Variants in SLC7A10 observed in about 807,000 individuals in gnomAD.
SLC7A10 encodes the protein solute carrier family 7 member 10.
Under a neutral mutation model 52.7 loss-of-function variants are expected in SLC7A10, and 30 were observed. The ratio of observed to expected loss-of-function variants is 0.57; its 90% CI spans 0.43 to 0.77. The LOEUF (loss-of-function observed/expected upper bound fraction) is 0.77, where lower values mean the gene tolerates loss of function less well. Ranked by LOEUF, SLC7A10 falls within the 30% of genes least tolerant of loss-of-function variation. SLC7A10 has a pLI of 0.00. For missense variants in SLC7A10, 581 were observed against 698.5 expected, an observed-to-expected ratio of 0.83 and a Z score of 1.90; for synonymous variants, 318 against 314.9, an observed-to-expected ratio of 1.01 and a Z score of -0.10.
chr19:33,214,733 C>A (rs1277869093), intron 2 of SLC7A10, among the ~76,000 whole-genome samples: 1 of 152,202 alleles, frequency 6.6e-6, no homozygotes, highest in African/African-American at 2.4e-5. Context: ...TCCTGGGAGT[C>A]CTCCCTAGAT....
At chr19:33,215,303 T>C (rs11880750) in intron 2 of SLC7A10, among the ~76,000 whole-genome samples, 10,125 of 147,380 alleles carry the variant, frequency 0.069, 496 homozygotes, top group African/African-American at 0.14. Context: ...TTATGCAGGG[T>C]ATATGGTAAG....
rs1350094094 is a variant in SLC7A10, at chr19:33,209,385, A to G, written c.1364T>C (p.Ile455Thr). Residue 455 changes from isoleucine (I) to threonine (T), a missense_variant, in exon 10 of 11, where the codon ATC becomes ACC. Physicochemically the swap from Ile to Thr is moderately conservative, Grantham distance 89 (BLOSUM62 -1). Coordinates refer to ENST00000253188, the MANE Select transcript of SLC7A10 (RefSeq NM_019849.3). ...GAAAATGGGCACCCCCGTAAGGATG[A>G]TGATGACGCCGACCCCACAGACCAT... ...EPMVCGVGVIIILTGVPIFFL... is the reference protein window; with the variant it reads ...EPMVCGVGVITILTGVPIFFL... The G allele has an allele frequency of 6.2e-7, 1 of 1,614,068 alleles. No homozygotes were observed. Among genetic ancestry groups the G allele is most frequent in the Non-Finnish European group, 8.5e-7 (1 of 1,180,014 alleles).
chr19:33,208,991 C>T lies in SLC7A10; in HGVS notation c.1472G>A (p.Cys491Tyr). The T allele has an allele frequency of 1.9e-6, 3 of 1,613,864 alleles. No individual in the cohort carries two copies. The highest frequency in any genetic ancestry group is 2.5e-6 in the Non-Finnish European group (3 of 1,180,034). The change falls in exon 11 of 11, where the codon TGT (cysteine) becomes TAT (tyrosine). Residue 491 changes from cysteine to tyrosine, a missense_variant. By Grantham distance (194) the Cys-to-Tyr change is radical. Transcript: ENST00000253188. This position sits in a 1 kb window ranked among gnomAD's most constrained non-coding sequence, Gnocchi z 4.7. ...ESMTHWGQEL[C>Y]FVVYPQDAPE... ...GGCGTCCTGGGGGTAGACCACGAAA[C>T]ACAGCTCCTGGCCCCAGTGTGTCAT... is the stretch of plus-strand genomic sequence containing the variant.
chr19:33,225,534 C>T lies in SLC7A10; in HGVS notation c.151+19G>A. The T allele has an allele frequency of 6.3e-7, 1 of 1,595,364 alleles. No individual in the cohort carries two copies. Among genetic ancestry groups the T allele is most frequent in the African/African-American group, 1.3e-5 (1 of 74,948 alleles). On this transcript the variant is annotated intron_variant, in intron 1 of 10. Transcript: ENST00000253188. The stretch of plus-strand genomic sequence containing the variant: ...CATTCGGCCTCCGCCCGGCGCCCGC[C>T]CGCCTGGGTCCCGCTCACCGATGAT...
intron 1 of SLC7A10, 70 bp downstream of exon 1, chr19:33,225,483 C>T: frequency 6.4e-7 from 1 of 1,562,052 alleles, no homozygotes; most frequent in Non-Finnish European, 8.7e-7. Context: ...GAGGGGACGC[C>T]CCTCGTTCGG....
At position 33,225,560 on chromosome 19, in the gene SLC7A10, G is replaced by A. The variant is rs746821501; in HGVS notation, c.144C>T (p.Ile48=). ...KEIGLLSACT[I]IIGNIIGSGI... ...CGCCTGGGTCCCGCTCACCGATGAT[G>A]ATGGTGCAGGCGCTCAGCAGCCCGA... Residue 48 remains isoleucine (I), a synonymous_variant, in exon 1 of 11, where the codon ATC becomes ATT. Coordinates refer to ENST00000253188, the MANE Select transcript of SLC7A10 (RefSeq NM_019849.3). The A allele has an allele frequency of 1.9e-6, 3 of 1,596,598 alleles. No homozygotes were observed. The South Asian group carries it at 3.3e-5, about 18-fold the overall frequency.
intron 7 of SLC7A10, 155 bp downstream of exon 7, chr19:33,211,070 G>T: frequency 1.0e-6 from 1 of 962,340 alleles, no homozygotes; most frequent in Non-Finnish European, 1.6e-6. Flanking sequence ...CCTCCCAGTT[G>T]TGATCAGACA....
At chr19:33,211,027 C>T (rs757506285) in intron 7 of SLC7A10, 129 bp from the exon 8 acceptor site, 1 of 1,001,662 alleles carries the variant, frequency 1.0e-6, no homozygotes, top group Admixed American at 2.0e-5. Context: ...AGTTCTCCCC[C>T]TCATCCAGCC....
At position 33,225,660 on chromosome 19, in the gene SLC7A10, C is replaced by T. The variant is rs754051430; in HGVS notation, c.44G>A (p.Arg15Lys). 2 of 1,571,120 alleles carry T rather than the reference C, an allele frequency of 1.3e-6. No individual in the cohort carries two copies. The highest frequency in any genetic ancestry group is 2.3e-5 in the East Asian group (1 of 42,768). Residue 15 changes from arginine (R) to lysine (K), a missense_variant, in exon 1 of 11, where the codon AGG (arginine) becomes AAG (lysine). Physicochemically the swap from Arg to Lys is conservative, Grantham distance 26 (BLOSUM62 2). Transcript: ENST00000253188. Reference sequence around the variant, plus strand: ...GACTGGGGAGGGCGAGGGCGCAGGCCTGGGGTTCCCGCGCCCGCTCGGCTG... The same window carrying T: ...GACTGGGGAGGGCGAGGGCGCAGGCTTGGGGTTCCCGCGCCCGCTCGGCTG... ...TQQPSGRGNP[R>K]PAPSPSPVPG...
intron 2 of SLC7A10, among the ~76,000 whole-genome samples, chr19:33,214,188 G>A (rs1974619882): frequency 6.6e-6 from 1 of 152,104 alleles, no homozygotes; most frequent in South Asian, 2.1e-4. Flanking sequence ...GCCCCTTTGA[G>A]GACCCTCTCC....
rs919415810 is a variant in SLC7A10 at position 33,210,684 on chromosome 19, C to G, written c.1114-68G>C. On this transcript the variant is annotated intron_variant, in intron 8 of 10. Coordinates refer to ENST00000253188, the MANE Select transcript of SLC7A10 (RefSeq NM_019849.3). The surrounding 1 kb of genome is among the most constrained non-coding windows in gnomAD (Gnocchi z 5.6). ...TCCTGACGCCCCTGCAGGATGAGCCCTGGCCCCACCCCCAACCCCCACCCT... is the reference window on the plus strand; with the variant it reads ...TCCTGACGCCCCTGCAGGATGAGCCGTGGCCCCACCCCCAACCCCCACCCT... 1.9e-6 allele frequency: 3 copies of G among 1,608,646 alleles called. No homozygotes were observed. In the African/African-American group the frequency reaches 4.0e-5, roughly 21 times the overall value.
At chr19:33,215,345 A>G (rs1027573875) in intron 2 of SLC7A10, among the ~76,000 whole-genome samples, 1 of 151,846 alleles carries the variant, frequency 6.6e-6, no homozygotes, top group Non-Finnish European at 1.5e-5. Flanking sequence ...CTCCTCATGC[A>G]ACATATGGGT....
Position 33,225,789 on chromosome 19 carries a change from G to C in SLC7A10, c.-86C>G, listed in dbSNP as rs375656265. 7.4e-7 allele frequency: 1 copy of C among 1,358,708 alleles called. No individual in the cohort carries two copies. Among genetic ancestry groups the C allele is most frequent in the South Asian group, 1.6e-5 (1 of 62,318 alleles). The allele number at this position is 1,358,708 out of a possible 1,614,324, so 84.2% of individuals were successfully genotyped here. On this transcript the variant is annotated 5_prime_UTR_variant, in exon 1 of 11. Transcript: ENST00000253188. ...TCGGTCCGTCGGTCCGTGAGCTCACGGCCCTCGCAGCCGGGACAGCGCCCA... is the reference window on the plus strand; with the variant it reads ...TCGGTCCGTCGGTCCGTGAGCTCACCGCCCTCGCAGCCGGGACAGCGCCCA...
intron 1 of SLC7A10, chr19:33,217,804 G>C (rs1974721794): frequency 6.6e-6 from 1 of 152,202 alleles, no homozygotes; most frequent in South Asian, 2.1e-4. Flanking sequence ...GGACAGCTAC[G>C]ACGCCCCACT....
chr19:33,221,340 G>A (rs1207504536), intron 1 of SLC7A10, among the ~76,000 whole-genome samples: 2 of 152,110 alleles, frequency 1.3e-5, no homozygotes, highest in African/African-American at 4.8e-5. Context: ...TGTCTGTCTT[G>A]ACCCCCCCAT....
chr19:33,209,711 AC>A (rs1281760310), intron 9 of SLC7A10, among the ~76,000 whole-genome samples: 1 of 152,184 alleles, frequency 6.6e-6, no homozygotes. Flanking sequence ...TCTCAGCGGC[AC>A]CGAGCTCCAC....
chr19:33,211,858 A>G (rs939246994), intron 5 of SLC7A10: 20 of 484,302 alleles, frequency 4.1e-5, no homozygotes, highest in Middle Eastern at 5.9e-4. Context: ...ATGGCCCCAG[A>G]GCCCAGTCCA....
At chr19:33,219,480 G>A (rs774960019) in intron 1 of SLC7A10, among the ~76,000 whole-genome samples, 4 of 152,206 alleles carry the variant, frequency 2.6e-5, no homozygotes, top group Non-Finnish European at 5.9e-5. Flanking sequence ...TGGGGAGGGG[G>A]CAGGGAGGGC....
chr19:33,224,408 G>A (rs1027070892), intron 1 of SLC7A10, among the ~76,000 whole-genome samples: 1 of 152,144 alleles, frequency 6.6e-6, no homozygotes, highest in Non-Finnish European at 1.5e-5. Flanking sequence ...ATGGCGGAGT[G>A]ACCTGGCCAG....
Sources: gnomAD v4.1 joint callset for allele counts (sites outside exome capture counted in the v4.1 genomes callset) on GRCh38, gnomAD v4.1.1 for gene constraint, Gnocchi (gnomAD v3.1) non-coding constraint, MANE v1.5 for transcripts, NCBI Gene and HGNC (gene_info 2026-07-23, HGNC 2026-07-21) for gene names.